Variants in XKR6 observed in about 807,000 individuals in gnomAD.
XKR6 encodes XK-related protein 6.
In XKR6, 22 loss-of-function variants were observed where a neutral mutation model predicts 56.7. That is an observed-to-expected ratio of 0.39 (90% CI 0.28 to 0.55). The LOEUF (loss-of-function observed/expected upper bound fraction) is 0.55. XKR6 is among the 20% of genes least tolerant of loss of function. XKR6 has a pLI of 0.66. For synonymous variants in XKR6, 524 were observed against 387.8 expected, an observed-to-expected ratio of 1.35 and a Z score of -4.13; for missense variants, 852 against 889.0, an observed-to-expected ratio of 0.96 and a Z score of 0.53.
At chr8:11,193,060 G>C (rs550312152) in intron 1 of XKR6, among the ~76,000 whole-genome samples, 3 of 152,326 alleles carry the variant, frequency 2.0e-5, no homozygotes, top group Non-Finnish European at 4.4e-5. Context: ...ACCCATGAGT[G>C]AAAGCATGTG....
At chr8:11,131,387 A>G (rs762257494) in intron 1 of XKR6, among the ~76,000 whole-genome samples, 4 of 152,162 alleles carry the variant, frequency 2.6e-5, no homozygotes, top group African/African-American at 9.7e-5. Context: ...AGAGTAATTA[A>G]CATAGAAGGC....
At chr8:11,138,891 T>C (rs369751320) in intron 1 of XKR6, among the ~76,000 whole-genome samples, 10 of 150,874 alleles carry the variant, frequency 6.6e-5, no homozygotes, top group Admixed American at 2.0e-4. Context: ...ATTTTTACAA[T>C]GAAGTTATCT....
chr8:11,123,487 A>T (rs1283688717), intron 1 of XKR6: 1 of 202,928 alleles, frequency 4.9e-6, no homozygotes, highest in Non-Finnish European at 1.0e-5. Context: ...GATATGCCCC[A>T]CCTTCAAGAC....
chr8:11,097,575 G>A (rs535992459), intron 1 of XKR6, among the ~76,000 whole-genome samples: 25 of 151,778 alleles, frequency 1.6e-4, no homozygotes, highest in Admixed American at 1.5e-3. Flanking sequence ...TGGGAGGCCG[G>A]GGTGGGCGTA....
intron 1 of XKR6, among the ~76,000 whole-genome samples, chr8:11,157,880 C>T (rs1658103803): frequency 6.6e-6 from 1 of 152,128 alleles, no homozygotes; most frequent in Admixed American, 6.6e-5. Flanking sequence ...AGTTTCCAAA[C>T]TTCAAAGAAT....
Position 11,200,012 on chromosome 8 carries a change from G to A in XKR6, c.764+564C>T, listed in dbSNP as rs1010217087. ...TCTTTTTTCCTTCTGGGAAAGCAGT[G>A]GTTTGGAGTCATTCACAGGGGCTGG... On this transcript the variant is annotated intron_variant, in intron 1 of 2. Coordinates refer to ENST00000416569, the MANE Select transcript of XKR6 (RefSeq NM_173683.4). The surrounding 1 kb of genome is among the most constrained non-coding windows in gnomAD (Gnocchi z 6.4). Among the ~76,000 whole-genome samples, 1 of 152,186 alleles carries A rather than the reference G, an allele frequency of 6.6e-6. No homozygotes were observed. Among genetic ancestry groups the A allele is most frequent in the Non-Finnish European group, 1.5e-5 (1 of 68,028 alleles).
At chr8:11,062,511 C>T (rs936852892) in intron 1 of XKR6, 1 of 350,546 alleles carries the variant, frequency 2.9e-6, no homozygotes, top group African/African-American at 2.2e-5. Context: ...TTCATTATCA[C>T]CATCTCTCCT....
chr8:10,958,253 C>T (rs1010086738), intron 1 of XKR6, among the ~76,000 whole-genome samples: 1 of 152,260 alleles, frequency 6.6e-6, no homozygotes, highest in African/African-American at 2.4e-5. Flanking sequence ...GCAGAAGGAA[C>T]GTTCTCTGTG....
At chr8:11,176,178 C>T (rs968374772) in intron 1 of XKR6, among the ~76,000 whole-genome samples, 4 of 152,104 alleles carry the variant, frequency 2.6e-5, no homozygotes, top group East Asian at 1.9e-4. Flanking sequence ...ATTTTGAAAC[C>T]GGAAAAATCT....
chr8:10,913,095 G>A (rs75338818), intron 2 of XKR6, among the ~76,000 whole-genome samples: 1 of 151,026 alleles, frequency 6.6e-6, no homozygotes, highest in African/African-American at 2.4e-5. Flanking sequence ...TCTATATATA[G>A]AGAGAGAGTA....
intron 1 of XKR6, among the ~76,000 whole-genome samples, chr8:11,097,714 G>T (rs1242570735): frequency 6.7e-6 from 1 of 148,210 alleles, no homozygotes; most frequent in Non-Finnish European, 1.5e-5. Context: ...GGCTGAGGCA[G>T]CAGAATCGCT....
intron 2 of XKR6, among the ~76,000 whole-genome samples, chr8:10,904,207 G>A (rs745403471): frequency 2.0e-5 from 3 of 152,166 alleles, no homozygotes; most frequent in South Asian, 2.1e-4. Context: ...AGGAGGCAGC[G>A]CTGGCAGCAT....
chr8:11,089,313 G>A (rs542560778), intron 1 of XKR6, among the ~76,000 whole-genome samples: 10 of 152,284 alleles, frequency 6.6e-5, no homozygotes, highest in East Asian at 3.9e-4. Context: ...ATACACTCAC[G>A]CCAGCCTGGG....
At chr8:11,018,150 G>C (rs1298171922) in intron 1 of XKR6, among the ~76,000 whole-genome samples, 1 of 152,002 alleles carries the variant, frequency 6.6e-6, no homozygotes, top group Non-Finnish European at 1.5e-5. Context: ...CCCTCTGTCT[G>C]ACCTGAATCC....
Position 10,976,178 on chromosome 8 carries a change from GA to G in XKR6, c.765-51349del, listed in dbSNP as rs879734498. Among the ~76,000 whole-genome samples the G allele has an allele frequency of 2.7e-3, 367 of 138,164 alleles. 4 individuals are homozygous for G. Among genetic ancestry groups the G allele is most frequent in the African/African-American group, 8.5e-3 (291 of 34,328 alleles). 90.6% of individuals were successfully genotyped at this position (138,164 alleles called of 152,430 possible). A position where few individuals can be genotyped will look rare whatever the true frequency, so the allele number is the denominator to read the frequency against. ...GTGACAGAGCAAGACTCCATCTCAA[GA>G]AAAAAAAAAAGTGCCCCCCCCCAAC... is the stretch of plus-strand genomic sequence containing the variant. On this transcript the variant is annotated intron_variant, in intron 1 of 2. Coordinates refer to ENST00000416569, the MANE Select transcript of XKR6 (RefSeq NM_173683.4).
At chr8:11,139,827 A>G (rs544502778) in intron 1 of XKR6, among the ~76,000 whole-genome samples, 1 of 152,358 alleles carries the variant, frequency 6.6e-6, no homozygotes, top group South Asian at 2.1e-4. Flanking sequence ...CACTGAGGTC[A>G]GACCCCACAC....
At chr8:11,163,462 A>C (rs1031882452) in intron 1 of XKR6, among the ~76,000 whole-genome samples, 11 of 152,272 alleles carry the variant, frequency 7.2e-5, no homozygotes, top group African/African-American at 2.6e-4. Context: ...AAATCCACCA[A>C]ATCTGCATAC....
At chr8:11,060,895 A>G (rs1799816491) in intron 1 of XKR6, among the ~76,000 whole-genome samples, 1 of 152,224 alleles carries the variant, frequency 6.6e-6, no homozygotes, top group Non-Finnish European at 1.5e-5. Context: ...TCCTGATACA[A>G]ACCCTGATGA....
At chr8:11,100,823 T>C (rs918437296) in intron 1 of XKR6, among the ~76,000 whole-genome samples, 1 of 152,270 alleles carries the variant, frequency 6.6e-6, no homozygotes. Flanking sequence ...AATCATTTTA[T>C]GCTACAAAAG....
Sources: gnomAD v4.1 joint callset for allele counts (sites outside exome capture counted in the v4.1 genomes callset) on GRCh38, gnomAD v4.1.1 for gene constraint, Gnocchi (gnomAD v3.1) non-coding constraint, MANE v1.5 for transcripts, NCBI Gene and HGNC (gene_info 2026-07-23, HGNC 2026-07-21) for gene names.